RCOR1: variants seen among roughly 807,000 people sequenced by gnomAD.
The protein encoded by RCOR1 is REST corepressor.
A neutral mutation model predicts 64.0 loss-of-function variants in RCOR1; 12 were observed. That is an observed-to-expected ratio of 0.19 (90% CI 0.12 to 0.30). The LOEUF (loss-of-function observed/expected upper bound fraction) is 0.30, where lower values mean the gene tolerates loss of function less well. RCOR1 is among the 10% of genes least tolerant of loss of function. The pLI is 1.00. For synonymous variants in RCOR1, 279 were observed against 227.2 expected (o/e 1.23, Z -2.05); for missense variants, 502 against 621.2 (o/e 0.81, Z 2.04).
At chr14:102,704,495 G>T (rs1035621124) in intron 4 of RCOR1, among the ~76,000 whole-genome samples, 1 of 152,142 alleles carries the variant, frequency 6.6e-6, no homozygotes, top group Non-Finnish European at 1.5e-5. Flanking sequence ...GCAATGGTGC[G>T]ATCTCAGCTC....
intron 2 of RCOR1, among the ~76,000 whole-genome samples, chr14:102,594,116 G>GA (rs1034890540): frequency 1.3e-5 from 2 of 151,942 alleles, no homozygotes; most frequent in South Asian, 2.1e-4. Flanking sequence ...AGTGGTACAA[G>GA]AAAAAAAATC....
At chr14:102,683,510 C>T (rs1240902045) in intron 3 of RCOR1, among the ~76,000 whole-genome samples, 2 of 152,228 alleles carry the variant, frequency 1.3e-5, no homozygotes, top group Non-Finnish European at 2.9e-5. Context: ...GCCACCTGGG[C>T]GCAGGTCCCC....
chr14:102,652,080 C>T (rs1894605095), intron 2 of RCOR1, among the ~76,000 whole-genome samples: 1 of 152,196 alleles, frequency 6.6e-6, no homozygotes, highest in South Asian at 2.1e-4. Flanking sequence ...AGCCTTGTAA[C>T]TGGATTTCTT....
At chr14:102,721,516 A>C in intron 10 of RCOR1, 139 bp downstream of exon 10, 2 of 495,178 alleles carry the variant, frequency 4.0e-6, no homozygotes, top group Non-Finnish European at 7.2e-6. Context: ...ACACCACTGC[A>C]TTCCAGCCTG....
intron 2 of RCOR1, among the ~76,000 whole-genome samples, chr14:102,613,467 C>T (rs923839561): frequency 7.2e-6 from 1 of 139,810 alleles, no homozygotes; most frequent in African/African-American, 2.7e-5. Flanking sequence ...GAGTCTCGTT[C>T]TGTCGCCCAG....
intron 3 of RCOR1, among the ~76,000 whole-genome samples, chr14:102,687,436 C>T (rs756265107): frequency 2.0e-5 from 3 of 152,180 alleles, no homozygotes; most frequent in Non-Finnish European, 4.4e-5. Flanking sequence ...AACATTAATA[C>T]TATACTAGTT....
chr14:102,710,096 C>T (rs1038798711), intron 6 of RCOR1, among the ~76,000 whole-genome samples: 18 of 152,082 alleles, frequency 1.2e-4, no homozygotes, highest in Admixed American at 5.2e-4. Context: ...TTCCCTTAGC[C>T]GAAGGCTCTT....
In RCOR1 at chr14:102,727,013, CTAATA is replaced by C. The variant is rs1301825497; in HGVS notation, c.*510_*514del. 4 of 154,064 alleles carry C rather than the reference CTAATA, an allele frequency of 2.6e-5. No individual in the cohort carries two copies. Among genetic ancestry groups the C allele is most frequent in the African/African-American group, 9.6e-5 (4 of 41,468 alleles). 9.5% of individuals were successfully genotyped at this position (154,064 alleles called of 1,614,324 possible). A position where few individuals can be genotyped will look rare whatever the true frequency, so the allele number is the denominator to read the frequency against. ...AAGTGATAATACGCTTTTTTGGAAACTAATATATATTGCCAGACTGCATCATAACC... is the reference window on the plus strand; with the variant it reads ...AAGTGATAATACGCTTTTTTGGAAACTATATTGCCAGACTGCATCATAACC... On this transcript the variant is annotated 3_prime_UTR_variant, in exon 12 of 12. Transcript: ENST00000262241.
chr14:102,709,542 C>T (rs893491892), intron 6 of RCOR1, among the ~76,000 whole-genome samples: 3 of 152,276 alleles, frequency 2.0e-5, no homozygotes, highest in South Asian at 4.1e-4. Flanking sequence ...TGTGAGAACA[C>T]ATTGAAAGTT....
At chr14:102,628,987 C>G (rs1306758587) in intron 2 of RCOR1, among the ~76,000 whole-genome samples, 1 of 151,550 alleles carries the variant, frequency 6.6e-6, no homozygotes, top group Non-Finnish European at 1.5e-5. Context: ...ACCTCCTGGG[C>G]CCAAGCGATC....
At position 102,706,134 on chromosome 14, in the gene RCOR1, A is replaced by C. The variant is rs545673537; in HGVS notation, c.499-1217A>C. On this transcript the variant is annotated intron_variant, in intron 4 of 11. Transcript: ENST00000262241. Reference sequence around the variant, plus strand: ...TGTCTCAAAAAAAAAAAAAAAAAAAAAAAAAAAACCTAAAAAAACAGTAAT... The same window carrying C: ...TGTCTCAAAAAAAAAAAAAAAAAAACAAAAAAAACCTAAAAAAACAGTAAT... 3.1e-4 allele frequency among the ~76,000 whole-genome samples: 46 copies of C among 150,056 alleles called. 3 individuals carry two copies. Among genetic ancestry groups the C allele is most frequent in the South Asian group, 1.3e-3 (6 of 4,772 alleles).
intron 2 of RCOR1, among the ~76,000 whole-genome samples, chr14:102,618,289 A>G (rs1893805126): frequency 6.6e-6 from 1 of 151,852 alleles, no homozygotes; most frequent in African/African-American, 2.4e-5. Context: ...GATGTTTGCC[A>G]TATTTGTTTC....
intron 2 of RCOR1, among the ~76,000 whole-genome samples, chr14:102,621,768 GA>G (rs1205445249): frequency 2.0e-5 from 3 of 152,140 alleles, no homozygotes. Context: ...AGTCTTGTTG[GA>G]GAAGGTATAT....
At chr14:102,695,411 T>C (rs768942872) in intron 3 of RCOR1, 2 of 152,198 alleles carry the variant, frequency 1.3e-5, no homozygotes, top group Non-Finnish European at 2.9e-5. Flanking sequence ...TAGTGAGTTA[T>C]CTCAACTGAT....
chr14:102,608,135 A>G (rs1172845307), intron 2 of RCOR1, among the ~76,000 whole-genome samples: 1 of 152,172 alleles, frequency 6.6e-6, no homozygotes, highest in African/African-American at 2.4e-5. Context: ...TTGTGGAGCC[A>G]CTGCCCTTGT....
At chr14:102,713,559 G>C (rs918272390) in intron 7 of RCOR1, among the ~76,000 whole-genome samples, 1 of 151,796 alleles carries the variant, frequency 6.6e-6, no homozygotes, top group East Asian at 1.9e-4. Context: ...TGGGATTACA[G>C]GCATGAGCCA....
chr14:102,592,664 A>T lies in RCOR1; in HGVS notation c.-223A>T. ...CGGAGTAGTTGGTGCCAGTGAAGTG[A>T]GGGCGGCGATGAGAGCGAAAGTTGC... On this transcript the variant is annotated 5_prime_UTR_variant, in exon 1 of 12. Coordinates refer to ENST00000262241, the MANE Select transcript of RCOR1 (RefSeq NM_015156.4). The T allele has an allele frequency of 8.2e-7, 1 of 1,216,584 alleles. No individual in the cohort carries two copies. The highest frequency in any genetic ancestry group is 3.3e-5 in the East Asian group (1 of 30,632). 75.4% of individuals were successfully genotyped at this position (1,216,584 alleles called of 1,614,324 possible).
chr14:102,720,098 TC>T (rs1896146815), intron 8 of RCOR1, among the ~76,000 whole-genome samples: 1 of 152,330 alleles, frequency 6.6e-6, no homozygotes, highest in East Asian at 1.9e-4. Flanking sequence ...GGTAGCATCT[TC>T]TACTCATGAA....
intron 3 of RCOR1, among the ~76,000 whole-genome samples, chr14:102,694,527 G>A (rs1185416048): frequency 1.3e-5 from 2 of 152,096 alleles, no homozygotes; most frequent in African/African-American, 4.8e-5. Flanking sequence ...CACCCGCCTC[G>A]TCCTCCCAAA....
Sources: allele counts gnomAD v4.1 joint callset (sites outside exome capture counted in the v4.1 genomes callset), GRCh38; gene constraint gnomAD v4.1.1; transcripts MANE v1.5; gene names NCBI Gene and HGNC (gene_info 2026-07-23, HGNC 2026-07-21).